Variants in SIAH3 observed in about 807,000 individuals in gnomAD.
The protein encoded by SIAH3 is seven in absentia homolog 3.
In SIAH3, 9 loss-of-function variants were observed where a neutral mutation model predicts 12.6. That is an observed-to-expected ratio of 0.72 (90% CI 0.43 to 1.25). SIAH3 has a LOEUF of 1.25. SIAH3 is among the 50% of genes most tolerant of loss of function. SIAH3 has a pLI of 0.00. For missense variants in SIAH3, 390 were observed against 365.4 expected, an observed-to-expected ratio of 1.07 and a Z score of -0.55; for synonymous variants, 154 against 151.1, an observed-to-expected ratio of 1.02 and a Z score of -0.14.
At chr13:45,820,219 TG>T (rs1477215975) in intron 1 of SIAH3, among the ~76,000 whole-genome samples, 1 of 152,170 alleles carries the variant, frequency 6.6e-6, no homozygotes, top group African/African-American at 2.4e-5. Context: ...CCTCCCCAGA[TG>T]GTTCACAGCA....
chr13:45,819,771 C>T (rs1950648702), intron 1 of SIAH3, among the ~76,000 whole-genome samples: 3 of 152,192 alleles, frequency 2.0e-5, no homozygotes, highest in African/African-American at 7.2e-5. Flanking sequence ...GGGACCTAGT[C>T]TCTTCCCTCA....
intron 1 of SIAH3, among the ~76,000 whole-genome samples, chr13:45,830,628 T>C (rs1365207463): frequency 1.3e-5 from 2 of 152,218 alleles, no homozygotes; most frequent in African/African-American, 4.8e-5. Context: ...AAAGCCCTCT[T>C]CACTGGTGCT....
At chr13:45,816,529 G>C (rs1459063396) in intron 1 of SIAH3, among the ~76,000 whole-genome samples, 1 of 152,200 alleles carries the variant, frequency 6.6e-6, no homozygotes, top group African/African-American at 2.4e-5. Flanking sequence ...CTGAGGAATG[G>C]CATTCATTCA....
intron 1 of SIAH3, among the ~76,000 whole-genome samples, chr13:45,815,063 C>T (rs958213342): frequency 6.6e-6 from 1 of 151,704 alleles, no homozygotes; most frequent in Non-Finnish European, 1.5e-5. Flanking sequence ...ATTACTTCTG[C>T]ACCAACCTAA....
intron 1 of SIAH3, among the ~76,000 whole-genome samples, chr13:45,822,477 GT>G (rs1167040051): frequency 2.1e-5 from 3 of 142,962 alleles, no homozygotes; most frequent in Non-Finnish European, 4.5e-5. Flanking sequence ...ACTAACTTGA[GT>G]GATCAATGCT....
At chr13:45,839,225 C>CT (rs11285230) in intron 1 of SIAH3, among the ~76,000 whole-genome samples, 34 of 149,090 alleles carry the variant, frequency 2.3e-4, no homozygotes, top group Middle Eastern at 3.2e-3. Context: ...TTCTCCTCTT[C>CT]TTTTTTTTTT....
intron 1 of SIAH3, among the ~76,000 whole-genome samples, chr13:45,843,787 G>T (rs1378389078): frequency 6.6e-6 from 1 of 152,240 alleles, no homozygotes; most frequent in East Asian, 1.9e-4. Flanking sequence ...AAGACAGCCA[G>T]GTGGGGAGTG....
chr13:45,826,833 G>C (rs886867023), intron 1 of SIAH3, among the ~76,000 whole-genome samples: 1 of 152,060 alleles, frequency 6.6e-6, no homozygotes, highest in Non-Finnish European at 1.5e-5. Flanking sequence ...GCAGAGGCTG[G>C]CACCCCTCCA....
At chr13:45,804,429 G>A (rs1439687434) in intron 1 of SIAH3, among the ~76,000 whole-genome samples, 1 of 152,122 alleles carries the variant, frequency 6.6e-6, no homozygotes, top group African/African-American at 2.4e-5. Context: ...AGGGTAGAGT[G>A]GAGTGGTTGC....
intron 1 of SIAH3, among the ~76,000 whole-genome samples, chr13:45,850,765 G>A (rs563646156): frequency 3.3e-5 from 5 of 152,202 alleles, no homozygotes; most frequent in East Asian, 3.9e-4. Flanking sequence ...AGGCAGCCGC[G>A]AGCAACCCAG....
chr13:45,799,248 G>A (rs1324850975), intron 1 of SIAH3, among the ~76,000 whole-genome samples: 1 of 152,178 alleles, frequency 6.6e-6, no homozygotes, highest in Non-Finnish European at 1.5e-5. Flanking sequence ...GGAGATATGG[G>A]TCCAGGTCTT....
intron 1 of SIAH3, among the ~76,000 whole-genome samples, chr13:45,809,748 T>C (rs1335530481): frequency 6.6e-6 from 1 of 152,194 alleles, no homozygotes; most frequent in African/African-American, 2.4e-5. Context: ...AAGAACCAGA[T>C]AATTGTGGTT....
intron 1 of SIAH3, among the ~76,000 whole-genome samples, chr13:45,822,554 T>TATATATATATAG (rs1950659773): frequency 7.1e-6 from 1 of 140,302 alleles, no homozygotes; most frequent in Non-Finnish European, 1.5e-5. Context: ...TATATATATA[T>TATATATATATAG]ATTAGACTAG....
chr13:45,809,229 A>G (rs1950608377), intron 1 of SIAH3, among the ~76,000 whole-genome samples: 1 of 152,248 alleles, frequency 6.6e-6, no homozygotes, highest in Non-Finnish European at 1.5e-5. Context: ...GGGGCTCCGC[A>G]GAACTGAGAC....
At chr13:45,850,408 C>T (rs1950776111) in intron 1 of SIAH3, among the ~76,000 whole-genome samples, 1 of 152,168 alleles carries the variant, frequency 6.6e-6, no homozygotes, top group Non-Finnish European at 1.5e-5. Context: ...TCTATCCTCA[C>T]AGAGACTGTC....
chr13:45,780,914 A>G lies in SIAH3; in HGVS notation c.*2469T>C, dbSNP rs1456827356. The G allele has an allele frequency of 1.3e-5, 2 of 152,056 alleles. No homozygotes were observed. Among genetic ancestry groups the G allele is most frequent in the East Asian group, 3.9e-4 (2 of 5,182 alleles). The allele number at this position is 152,056 out of a possible 1,614,324, so 9.4% of individuals were successfully genotyped here. A position where few individuals can be genotyped will look rare whatever the true frequency, so the allele number is the denominator to read the frequency against. On this transcript the variant is annotated 3_prime_UTR_variant, in exon 2 of 2. Transcript: ENST00000400405. Reference sequence around the variant, plus strand: ...CAGGAACTGTGAAGCTCAAATACAAACTGCTGGTACCATTTCCTATTCCCA... The same window carrying G: ...CAGGAACTGTGAAGCTCAAATACAAGCTGCTGGTACCATTTCCTATTCCCA...
chr13:45,849,579 G>C (rs1950772399), intron 1 of SIAH3, among the ~76,000 whole-genome samples: 1 of 152,184 alleles, frequency 6.6e-6, no homozygotes, highest in Non-Finnish European at 1.5e-5. Flanking sequence ...TCTCAAAGAG[G>C]TGGAGGAGGA....
intron 1 of SIAH3, among the ~76,000 whole-genome samples, chr13:45,799,400 C>T (rs567383131): frequency 6.6e-6 from 1 of 152,252 alleles, no homozygotes; most frequent in South Asian, 2.1e-4. Flanking sequence ...ATGGTGCAAT[C>T]CATTTAGAAG....
At chr13:45,826,441 A>ATGAGTGGGTGCGTGGG (rs1555258871) in intron 1 of SIAH3, among the ~76,000 whole-genome samples, 1 of 25,290 alleles carries the variant, frequency 4.0e-5, no homozygotes, top group East Asian at 9.0e-4. Flanking sequence ...GAATGGATGC[A>ATGAGTGGGTGCGTGGG]TGGATGGATG....
Sources: gnomAD v4.1 joint callset for allele counts (sites outside exome capture counted in the v4.1 genomes callset) on GRCh38, gnomAD v4.1.1 for gene constraint, MANE v1.5 for transcripts, NCBI Gene and HGNC (gene_info 2026-07-23, HGNC 2026-07-21) for gene names.